Variants in PAPPA2 observed in about 807,000 individuals in gnomAD.
The protein encoded by PAPPA2 is pappalysin-2.
Under a neutral mutation model 176.4 loss-of-function variants are expected in PAPPA2, and 86 were observed. That is an observed-to-expected ratio of 0.49 (90% CI 0.41 to 0.58). PAPPA2 has a LOEUF of 0.58. Ranked by LOEUF, PAPPA2 falls within the 20% of genes least tolerant of loss-of-function variation. The probability of loss-of-function intolerance (pLI) is 0.00; values close to 1 mark genes in which losing one functional copy is unlikely to be tolerated. For missense variants in PAPPA2, 2,073 were observed against 2,256.9 expected (o/e 0.92, Z 1.65); for synonymous variants, 809 against 852.2 (o/e 0.95, Z 0.88).
chr1:176,661,560 G>GGGTTTGCC (rs1465252988), intron 3 of PAPPA2, among the ~76,000 whole-genome samples: 2 of 150,202 alleles, frequency 1.3e-5, no homozygotes, highest in Admixed American at 6.7e-5. Context: ...CCAGCAAAGA[G>GGGTTTGCC]GGTTTGCCCC....
chr1:176,801,330 A>G (rs955481938), intron 21 of PAPPA2, among the ~76,000 whole-genome samples: 1 of 151,784 alleles, frequency 6.6e-6, no homozygotes, highest in South Asian at 2.1e-4. Context: ...TGCACACCCA[A>G]CCCACATGCA....
chr1:176,822,371 C>T (rs1355943440), intron 21 of PAPPA2, among the ~76,000 whole-genome samples: 1 of 152,130 alleles, frequency 6.6e-6, no homozygotes, highest in African/African-American at 2.4e-5. Flanking sequence ...TTCTTAACTT[C>T]CTTCCTCCTT....
chr1:176,488,850 G>T (rs1217183611), intron 1 of PAPPA2, among the ~76,000 whole-genome samples: 2 of 152,118 alleles, frequency 1.3e-5, no homozygotes, highest in Non-Finnish European at 2.9e-5. Flanking sequence ...TGGGTGCATT[G>T]TGTTAGGGTT....
chr1:176,531,351 G>C (rs896928975), intron 1 of PAPPA2, among the ~76,000 whole-genome samples: 2 of 152,210 alleles, frequency 1.3e-5, no homozygotes, highest in Admixed American at 6.5e-5. Context: ...CCTGAACAAG[G>C]CTGGGATCTG....
In PAPPA2 at chr1:176,562,959, TC is replaced by T. The variant is rs567051868; in HGVS notation, c.919+5720del. 1.8e-3 allele frequency among the ~76,000 whole-genome samples: 275 copies of T among 152,300 alleles called. 1 individual carries two copies. The highest frequency in any genetic ancestry group is 6.4e-3 in the African/African-American group (265 of 41,550). On this transcript the variant is annotated intron_variant, in intron 2 of 22. Coordinates refer to ENST00000367662, the MANE Select transcript of PAPPA2 (RefSeq NM_020318.3). ...AAGTAATTTTCTCTATGTCTCTGCT[TC>T]CAGGGCCCTTCATGTGTGGTTTCCT...
intron 3 of PAPPA2, among the ~76,000 whole-genome samples, chr1:176,617,855 A>G (rs1033004667): frequency 3.9e-5 from 6 of 152,178 alleles, no homozygotes; most frequent in African/African-American, 1.4e-4. Flanking sequence ...ACTGTGGTGC[A>G]TGGAGAAGGT....
chr1:176,827,029 T>C (rs554998951), intron 21 of PAPPA2, among the ~76,000 whole-genome samples: 1 of 152,336 alleles, frequency 6.6e-6, no homozygotes, highest in South Asian at 2.1e-4. Context: ...TAGATAAGCC[T>C]TCATCTCCAC....
chr1:176,682,411 G>C (rs1659627367), intron 4 of PAPPA2, among the ~76,000 whole-genome samples: 1 of 152,158 alleles, frequency 6.6e-6, no homozygotes, highest in Non-Finnish European at 1.5e-5. Context: ...CTGATGGACT[G>C]TACCTTGTCA....
At chr1:176,480,000 C>T (rs925673583) in intron 1 of PAPPA2, among the ~76,000 whole-genome samples, 1 of 152,218 alleles carries the variant, frequency 6.6e-6, no homozygotes, top group Non-Finnish European at 1.5e-5. Context: ...ATAAGAGCCC[C>T]TTTCCCCCTC....
chr1:176,692,254 G>A lies in PAPPA2; in HGVS notation c.2560G>A (p.Gly854Arg), dbSNP rs751932024. The part of the protein sequence containing the change: ...TPIPIPPMVI[G>R]QTNKSLTIHW... Reference sequence around the variant, plus strand: ...CATCCCCATTCCACCTATGGTCATCGGACAGACCAACAAGTCCCTCACTAT... The same window carrying A: ...CATCCCCATTCCACCTATGGTCATCAGACAGACCAACAAGTCCCTCACTAT... The change falls in exon 6 of 23, where the codon GGA (glycine) becomes AGA (arginine). Residue 854 changes from glycine (G) to arginine (R), a missense_variant. Physicochemically the swap from Gly to Arg is moderately radical, Grantham distance 125 (BLOSUM62 -2). This residue lies in a region of PAPPA2 where 1,196 missense variants were observed against 1,330.4 expected (regional missense o/e 0.90). Coordinates refer to ENST00000367662, the MANE Select transcript of PAPPA2 (RefSeq NM_020318.3). 1.9e-5 allele frequency: 30 copies of A among 1,613,840 alleles called. No homozygotes were observed. In the Middle Eastern group the frequency reaches 6.6e-4, roughly 35 times the overall value.
chr1:176,470,016 A>G (rs1172407427), intron 1 of PAPPA2, among the ~76,000 whole-genome samples: 4 of 152,186 alleles, frequency 2.6e-5, no homozygotes, highest in Admixed American at 1.3e-4. Context: ...CGAGGAAGGG[A>G]CTTTGCCTTC....
At chr1:176,520,052 G>A (rs1469862755) in intron 1 of PAPPA2, among the ~76,000 whole-genome samples, 2 of 152,164 alleles carry the variant, frequency 1.3e-5, no homozygotes, top group African/African-American at 4.8e-5. Context: ...GTTGGCTCAG[G>A]TCAGAATTTT....
intron 3 of PAPPA2, among the ~76,000 whole-genome samples, chr1:176,617,544 T>C (rs1179037153): frequency 1.3e-5 from 2 of 152,184 alleles, no homozygotes; most frequent in South Asian, 2.1e-4. Flanking sequence ...TAGTTTTTCA[T>C]TCCTGAGTTA....
intron 3 of PAPPA2, among the ~76,000 whole-genome samples, chr1:176,610,066 T>C (rs993741450): frequency 1.3e-5 from 2 of 152,078 alleles, no homozygotes; most frequent in African/African-American, 2.4e-5. Context: ...CCCTTCCCCA[T>C]AGGGAATCTG....
intron 14 of PAPPA2, among the ~76,000 whole-genome samples, chr1:176,761,739 G>T (rs1663708789): frequency 6.6e-6 from 1 of 152,174 alleles, no homozygotes; most frequent in Non-Finnish European, 1.5e-5. Flanking sequence ...TCCAGCCTGA[G>T]GATTTTCCTC....
chr1:176,553,776 G>A (rs887349368), intron 1 of PAPPA2: 2 of 152,032 alleles, frequency 1.3e-5, no homozygotes, highest in Non-Finnish European at 2.9e-5. Flanking sequence ...GGTGGCATGC[G>A]GGAGGGGGAA....
intron 12 of PAPPA2, among the ~76,000 whole-genome samples, chr1:176,718,472 C>T (rs2102845740): frequency 6.6e-6 from 1 of 151,704 alleles, no homozygotes; most frequent in African/African-American, 2.4e-5. Context: ...TGAGGTGATG[C>T]ATAGGTAATT....
intron 21 of PAPPA2, among the ~76,000 whole-genome samples, chr1:176,807,822 G>A: frequency 6.6e-6 from 1 of 152,124 alleles, no homozygotes; most frequent in East Asian, 1.9e-4. Context: ...ACTAGAAAAA[G>A]TTTTAGAACA....
chr1:176,526,541 G>A (rs1649509470), intron 1 of PAPPA2, among the ~76,000 whole-genome samples: 1 of 152,232 alleles, frequency 6.6e-6, no homozygotes, highest in African/African-American at 2.4e-5. Flanking sequence ...AGGGAGCTGG[G>A]TCTCTGAATG....
Sources: allele counts gnomAD v4.1 joint callset (sites outside exome capture counted in the v4.1 genomes callset), GRCh38; gene constraint gnomAD v4.1.1; regional missense constraint gnomAD v4.1.1; transcripts MANE v1.5; gene names NCBI Gene and HGNC (gene_info 2026-07-23, HGNC 2026-07-21).